ZNRF3: variants seen among roughly 807,000 people sequenced by gnomAD.
ZNRF3 encodes E3 ubiquitin-protein ligase ZNRF3.
A neutral mutation model predicts 72.5 loss-of-function variants in ZNRF3; 23 were observed. The observed-to-expected ratio is 0.32, with a 90% CI of 0.23 to 0.45. The LOEUF is 0.45. Among genes scored for constraint, ZNRF3 ranks in the 20% least tolerant of loss-of-function variants. The pLI is 1.00. For missense variants in ZNRF3, 1,169 were observed against 1,272.1 expected (o/e 0.92, Z 1.23); for synonymous variants, 610 against 545.3 (o/e 1.12, Z -1.65).
In ZNRF3 at chr22:28,900,042, A is replaced by G. The variant is rs527588141; in HGVS notation, c.300+15976A>G. ...CTTCCCTACTTGTTGGAGGGTAAACAGGGGATCTTCTATCTCTTCCTATTA... is the reference window on the plus strand; with the variant it reads ...CTTCCCTACTTGTTGGAGGGTAAACGGGGGATCTTCTATCTCTTCCTATTA... On this transcript the variant is annotated intron_variant, in intron 1 of 8. Coordinates refer to ENST00000544604, the MANE Select transcript of ZNRF3 (RefSeq NM_001206998.2). 4.0e-5 allele frequency among the ~76,000 whole-genome samples: 6 copies of G among 148,896 alleles called. No homozygotes were observed. In the East Asian group the frequency reaches 9.7e-4, roughly 24 times the overall value.
chr22:28,969,737 T>C lies in ZNRF3; in HGVS notation c.301-17339T>C, dbSNP rs114223165. Among the ~76,000 whole-genome samples, 824 of 152,248 alleles carry C rather than the reference T, an allele frequency of 5.4e-3. 6 individuals carry two copies. Among genetic ancestry groups the C allele is most frequent in the South Asian group, 0.023 (109 of 4,818 alleles). On this transcript the variant is annotated intron_variant, in intron 1 of 8. Transcript: ENST00000544604. ...TGGCATGACTTATATTTTAACAGGA[T>C]TGCTCTGGCTGCTGTATTTGAGAAA...
rs2037318906 is a variant in ZNRF3 at position 29,057,440 on chromosome 22, T to C, written c.*3818T>C. 1 of 142,088 alleles carries C rather than the reference T, an allele frequency of 7.0e-6. No individual in the cohort carries two copies. Among genetic ancestry groups the C allele is most frequent in the Admixed American group, 7.3e-5 (1 of 13,752 alleles). 8.8% of individuals were successfully genotyped at this position (142,088 alleles called of 1,614,324 possible). A position where few individuals can be genotyped will look rare whatever the true frequency, so the allele number is the denominator to read the frequency against. ...AGTCTTCTATGGTTTTGTAACAAATTGTACACATGACTGTAAAAAAAAAAT... is the reference window on the plus strand; with the variant it reads ...AGTCTTCTATGGTTTTGTAACAAATCGTACACATGACTGTAAAAAAAAAAT... On this transcript the variant is annotated 3_prime_UTR_variant, in exon 9 of 9. Transcript: ENST00000544604.
chr22:28,887,734 T>C (rs1470719150), intron 1 of ZNRF3, among the ~76,000 whole-genome samples: 1 of 152,220 alleles, frequency 6.6e-6, no homozygotes, highest in Non-Finnish European at 1.5e-5. Flanking sequence ...AGTTCTGAAG[T>C]GTGGGACTTT....
chr22:29,050,034 G>T lies in ZNRF3; in HGVS notation c.1853G>T (p.Arg618Leu), dbSNP rs572878226. 6 of 1,609,602 alleles carry T rather than the reference G, an allele frequency of 3.7e-6. No individual in the cohort carries two copies. Among genetic ancestry groups the T allele is most frequent in the East Asian group, 4.5e-5 (2 of 44,834 alleles). The change falls in exon 8 of 9, where the codon CGG (arginine) becomes CTG (leucine). Residue 618 changes from arginine to leucine, a missense_variant. By Grantham distance (102) the Arg-to-Leu change is moderately radical. Coordinates refer to ENST00000544604, the MANE Select transcript of ZNRF3 (RefSeq NM_001206998.2). ...SEAGGSGSSG[R>L]GPALCFEGSP... The stretch of plus-strand genomic sequence containing the variant: ...GCGGGGGGCTCGGGCAGCTCGGGCC[G>T]GGGACCTGCCCTGTGCTTCGAGGGC...
intron 1 of ZNRF3, among the ~76,000 whole-genome samples, chr22:28,934,939 T>C (rs1017664333): frequency 3.9e-5 from 6 of 152,128 alleles, no homozygotes; most frequent in African/African-American, 1.4e-4. Flanking sequence ...CATTTCTCTA[T>C]ACTCACACAT....
At chr22:28,984,119 G>A (rs76816890) in intron 1 of ZNRF3, among the ~76,000 whole-genome samples, 1 of 133,552 alleles carries the variant, frequency 7.5e-6, no homozygotes, top group Admixed American at 7.6e-5. Flanking sequence ...ACAGTTGCTT[G>A]TTTTTTTTTT....
At chr22:28,884,751 G>T (rs914366176) in intron 1 of ZNRF3, among the ~76,000 whole-genome samples, 4 of 152,198 alleles carry the variant, frequency 2.6e-5, no homozygotes, top group African/African-American at 9.6e-5. Flanking sequence ...AGACTGATGC[G>T]AAGGACCTGC....
chr22:28,941,449 C>T (rs2034946255), intron 1 of ZNRF3, among the ~76,000 whole-genome samples: 1 of 152,110 alleles, frequency 6.6e-6, no homozygotes, highest in South Asian at 2.1e-4. Context: ...GACTTTATTA[C>T]TTTTATTTTT....
chr22:28,943,793 CCACACATTTTAA>C (rs1434171905), intron 1 of ZNRF3, among the ~76,000 whole-genome samples: 1 of 152,104 alleles, frequency 6.6e-6, no homozygotes, highest in African/African-American at 2.4e-5. Flanking sequence ...ACCTAAATCT[CCACACATTTTAA>C]CACATTTATT....
At chr22:29,006,213 C>CTTTTTTTTTTTTTTTTTTTTTTTTTTTT in intron 2 of ZNRF3, among the ~76,000 whole-genome samples, 1 of 106,520 alleles carries the variant, frequency 9.4e-6, no homozygotes, top group Non-Finnish European at 1.8e-5. Context: ...TCATCCGTTT[C>CTTTTTTTTTTTTTTTTTTTTTTTTTTTT]TTTTTTTTTT....
intron 2 of ZNRF3, among the ~76,000 whole-genome samples, chr22:28,995,817 C>A (rs2036037123): frequency 6.6e-6 from 1 of 151,948 alleles, no homozygotes; most frequent in Non-Finnish European, 1.5e-5. Context: ...ACTCTGTCAC[C>A]CAGGCTAGAG....
At chr22:29,033,332 C>T (rs942355652) in intron 2 of ZNRF3, among the ~76,000 whole-genome samples, 4 of 118,694 alleles carry the variant, frequency 3.4e-5, no homozygotes, top group Non-Finnish European at 6.4e-5. Context: ...GCATGGGCGA[C>T]AGAGTGAGAC....
intron 1 of ZNRF3, among the ~76,000 whole-genome samples, chr22:28,890,005 T>C (rs1017945064): frequency 2.6e-5 from 4 of 152,192 alleles, no homozygotes; most frequent in Admixed American, 2.6e-4. Context: ...GAATAAATGA[T>C]GGAGAGTGGA....
chr22:29,030,890 GA>G lies in ZNRF3; in HGVS notation c.427-11604del, dbSNP rs930884292. On this transcript the variant is annotated intron_variant, in intron 2 of 8. Transcript: ENST00000544604. The surrounding 1 kb of genome is among the most constrained non-coding windows in gnomAD (Gnocchi z 4.2). ...GCTGTGTTTGTGGCTTCAGCGCTTTGATCTCCTGCCAGGGAAACCTGGAAGG... is the reference window on the plus strand; with the variant it reads ...GCTGTGTTTGTGGCTTCAGCGCTTTGTCTCCTGCCAGGGAAACCTGGAAGG... Among the ~76,000 whole-genome samples, 4 of 152,168 alleles carry G rather than the reference GA, an allele frequency of 2.6e-5. No individual in the cohort carries two copies. Among genetic ancestry groups the G allele is most frequent in the South Asian group, 2.1e-4 (1 of 4,834 alleles).
At chr22:28,889,816 C>G (rs2033853426) in intron 1 of ZNRF3, among the ~76,000 whole-genome samples, 1 of 152,202 alleles carries the variant, frequency 6.6e-6, no homozygotes, top group Non-Finnish European at 1.5e-5. Flanking sequence ...GAGTATAGTT[C>G]CGTTTCATAG....
chr22:29,041,631 CTCAA>C (rs147290251), intron 2 of ZNRF3, among the ~76,000 whole-genome samples: 2 of 152,272 alleles, frequency 1.3e-5, no homozygotes, highest in East Asian at 3.9e-4. Flanking sequence ...TCCAGCCCTG[CTCAA>C]TCAGTCTCTG....
In ZNRF3 at chr22:28,987,164, A is replaced by C; in HGVS notation, c.389A>C (p.Glu130Ala). 6.2e-7 allele frequency: 1 copy of C among 1,613,890 alleles called. No individual in the cohort carries two copies. The part of the protein sequence containing the change: ...WVGVVKLEQP[E>A]LDPKPCLTVL... ...GGAGTGGTGAAGCTGGAACAGCCAG[A>C]ATTGGACCCGAAACCATGCCTCACT... Residue 130 changes from glutamate (E) to alanine (A), a missense_variant, in exon 2 of 9, where the codon GAA (glutamate) becomes GCA (alanine). Physicochemically the swap from Glu to Ala is moderately radical, Grantham distance 107 (BLOSUM62 -1). Around this residue, in one of 2 missense-constraint regions of ZNRF3, gnomAD observed 386 missense variants for 540.7 expected, o/e 0.71. Transcript: ENST00000544604.
chr22:29,036,995 C>T (rs1206541645), intron 2 of ZNRF3, among the ~76,000 whole-genome samples: 1 of 152,182 alleles, frequency 6.6e-6, no homozygotes, highest in African/African-American at 2.4e-5. Flanking sequence ...CATATTAGCG[C>T]TAACAGTCCA....
At chr22:28,955,772 AG>A (rs1284605000) in intron 1 of ZNRF3, among the ~76,000 whole-genome samples, 5 of 149,516 alleles carry the variant, frequency 3.3e-5, no homozygotes, top group African/African-American at 1.2e-4. Context: ...AAAAAAAAAG[AG>A]CCAGGCATGG....
Sources: allele counts gnomAD v4.1 joint callset (sites outside exome capture counted in the v4.1 genomes callset), GRCh38; gene constraint gnomAD v4.1.1; regional missense constraint gnomAD v4.1.1; non-coding constraint Gnocchi (gnomAD v3.1); transcripts MANE v1.5; gene names NCBI Gene and HGNC (gene_info 2026-07-23, HGNC 2026-07-21).